TMPRSS15: variants seen among roughly 807,000 people sequenced by gnomAD.
TMPRSS15 encodes the protein transmembrane serine protease 15.
A neutral mutation model predicts 125.3 loss-of-function variants in TMPRSS15; 128 were observed. The observed-to-expected ratio is 1.02, with a 90% CI of 0.89 to 1.18. The LOEUF is 1.18. TMPRSS15 is among the 50% of genes most tolerant of loss of function. TMPRSS15 has a pLI of 0.00. For missense variants in TMPRSS15, 1,283 were observed against 1,212.7 expected, an observed-to-expected ratio of 1.06 and a Z score of -0.86; for synonymous variants, 446 against 423.2, an observed-to-expected ratio of 1.05 and a Z score of -0.66.
chr21:18,372,989 G>T (rs1033996171), intron 5 of TMPRSS15, among the ~76,000 whole-genome samples: 2 of 152,030 alleles, frequency 1.3e-5, no homozygotes, highest in African/African-American at 2.4e-5. Context: ...ACAAGATAAA[G>T]ACTTTTAAAA....
At chr21:18,331,091 A>C (rs905923683) in intron 14 of TMPRSS15, among the ~76,000 whole-genome samples, 1 of 151,032 alleles carries the variant, frequency 6.6e-6, no homozygotes, top group East Asian at 1.9e-4. Flanking sequence ...AAAAAAAAAA[A>C]GATGTCTTCA....
chr21:18,278,444 G>T (rs1025615714), intron 23 of TMPRSS15, among the ~76,000 whole-genome samples: 1 of 152,044 alleles, frequency 6.6e-6, no homozygotes, highest in African/African-American at 2.4e-5. Flanking sequence ...TATAGGCTGG[G>T]CGCGGTGGCT....
intron 10 of TMPRSS15, 82 bp from the exon 11 acceptor site, chr21:18,344,142 G>T: frequency 8.5e-7 from 1 of 1,180,826 alleles, no homozygotes; most frequent in Non-Finnish European, 1.3e-6. Flanking sequence ...AAGCAGGAAA[G>T]AAAAACTTTA....
At chr21:18,330,795 G>A (rs912424322) in intron 14 of TMPRSS15, among the ~76,000 whole-genome samples, 3 of 152,018 alleles carry the variant, frequency 2.0e-5, no homozygotes, top group East Asian at 1.9e-4. Flanking sequence ...TCTTCAGGCC[G>A]GGCACGGTGG....
At chr21:18,329,634 A>T (rs1226672197) in intron 14 of TMPRSS15, among the ~76,000 whole-genome samples, 1 of 151,546 alleles carries the variant, frequency 6.6e-6, no homozygotes, top group Non-Finnish European at 1.5e-5. Context: ...CTAAAATTAT[A>T]GTTTCATTTA....
At position 18,398,230 on chromosome 21, in the gene TMPRSS15, A is replaced by C. The variant is rs2076058401; in HGVS notation, c.245T>G (p.Phe82Cys). ...PNLQDKLSVD[F>C]KVLAFDLQQM... Reference sequence around the variant, plus strand: ...CTGAAGGTCAAAAGCAAGAACTTTGAAATCCACTGAGAGTTTGTCTTGCAA... The same window carrying C: ...CTGAAGGTCAAAAGCAAGAACTTTGCAATCCACTGAGAGTTTGTCTTGCAA... Residue 82 changes from phenylalanine (F) to cysteine (C), a missense_variant, in exon 2 of 25, where the codon TTC becomes TGC. Physicochemically the swap from Phe to Cys is radical, Grantham distance 205 (BLOSUM62 -2). Transcript: ENST00000284885. 1 of 1,613,792 alleles carries C rather than the reference A, an allele frequency of 6.2e-7. No homozygotes were observed. Among genetic ancestry groups the C allele is most frequent in the Non-Finnish European group, 8.5e-7 (1 of 1,179,826 alleles).
chr21:18,273,444 T>TATG (rs1021843113), intron 24 of TMPRSS15, among the ~76,000 whole-genome samples: 19 of 152,358 alleles, frequency 1.2e-4, no homozygotes, highest in Admixed American at 1.0e-3. Context: ...ATTACTCAAT[T>TATG]ATGATAACAT....
chr21:18,475,818 C>A (rs1426845923), intron 1 of TMPRSS15, among the ~76,000 whole-genome samples: 3 of 152,194 alleles, frequency 2.0e-5, no homozygotes, highest in Admixed American at 1.3e-4. Flanking sequence ...GGAGCAATTA[C>A]TTTGGCTTAA....
At chr21:18,304,242 T>C (rs1284787425) in intron 18 of TMPRSS15, among the ~76,000 whole-genome samples, 1 of 152,156 alleles carries the variant, frequency 6.6e-6, no homozygotes, top group Non-Finnish European at 1.5e-5. Flanking sequence ...CCTGGTACGG[T>C]AGAAAAAAGT....
chr21:18,315,057 T>C (rs1056198716), intron 17 of TMPRSS15, 89 bp downstream of exon 17: 13 of 1,062,608 alleles, frequency 1.2e-5, no homozygotes, highest in Non-Finnish European at 1.7e-5. Context: ...CAGGTCCTAA[T>C]AGACACAGTT....
intron 6 of TMPRSS15, among the ~76,000 whole-genome samples, chr21:18,371,786 C>T (rs927079329): frequency 6.6e-6 from 1 of 151,960 alleles, no homozygotes; most frequent in Non-Finnish European, 1.5e-5. Flanking sequence ...AGTGAAAAAA[C>T]ATGAAAACCA....
At chr21:18,277,294 C>T (rs1202489628) in intron 23 of TMPRSS15, among the ~76,000 whole-genome samples, 1 of 151,866 alleles carries the variant, frequency 6.6e-6, no homozygotes, top group Non-Finnish European at 1.5e-5. Flanking sequence ...ACGTAAGTCA[C>T]ATTTACTCAG....
intron 1 of TMPRSS15, among the ~76,000 whole-genome samples, chr21:18,432,235 C>G (rs867897698): frequency 9.9e-5 from 15 of 152,110 alleles, no homozygotes; most frequent in Non-Finnish European, 1.3e-4. Context: ...CAAGAGTTTT[C>G]TCCTCTGATA....
At chr21:18,372,730 T>A (rs2075804405) in intron 5 of TMPRSS15, among the ~76,000 whole-genome samples, 3 of 152,248 alleles carry the variant, frequency 2.0e-5, no homozygotes, top group African/African-American at 7.2e-5. Flanking sequence ...CTATTTCTGT[T>A]CAGTATCTCT....
chr21:18,307,344 G>C (rs1156937898), intron 18 of TMPRSS15, among the ~76,000 whole-genome samples: 2 of 152,154 alleles, frequency 1.3e-5, no homozygotes, highest in African/African-American at 4.8e-5. Context: ...TTGTCTCTCT[G>C]TATCTGGTTA....
At chr21:18,291,759 A>C in intron 21 of TMPRSS15, among the ~76,000 whole-genome samples, 1 of 152,356 alleles carries the variant, frequency 6.6e-6, no homozygotes, top group African/African-American at 2.4e-5. Context: ...AGAGAAAAAA[A>C]AAATAATTCC....
chr21:18,398,373 G>T, intron 1 of TMPRSS15, 44 bp from the exon 2 acceptor site: 1 of 1,600,648 alleles, frequency 6.2e-7, no homozygotes, highest in South Asian at 1.1e-5. Context: ...TTTGGATTAT[G>T]AGTAGGAGAA....
chr21:18,280,645 T>G (rs1339249368), intron 22 of TMPRSS15, among the ~76,000 whole-genome samples: 7 of 151,934 alleles, frequency 4.6e-5, no homozygotes, highest in African/African-American at 1.5e-4. Context: ...ACTTAATTCT[T>G]GCTCACTTTC....
In TMPRSS15 at chr21:18,415,640, T is replaced by C. The variant is rs938163059; in HGVS notation, c.11-17311A>G. Among the ~76,000 whole-genome samples the C allele has an allele frequency of 5.9e-5, 9 of 152,112 alleles. No homozygotes were observed. The East Asian group carries it at 1.7e-3, about 29-fold the overall frequency. ...CTTACCCATTGTGTATCCTTAGCAC[T>C]GTTGCTAAAGATGGGTTGACCATAT... On this transcript the variant is annotated intron_variant, in intron 1 of 7. Coordinates refer to the TMPRSS15 transcript ENST00000422787.
Sources: gnomAD v4.1 joint callset for allele counts (sites outside exome capture counted in the v4.1 genomes callset) on GRCh38, gnomAD v4.1.1 for gene constraint, MANE v1.5 for transcripts, NCBI Gene and HGNC (gene_info 2026-07-23, HGNC 2026-07-21) for gene names.